Variants in MLIP observed in about 807,000 individuals in gnomAD.
The protein encoded by MLIP is muscular LMNA-interacting protein.
A neutral mutation model predicts 84.8 loss-of-function variants in MLIP; 79 were observed. The observed-to-expected ratio is 0.93, with a 90% CI of 0.78 to 1.12. The LOEUF (loss-of-function observed/expected upper bound fraction) is 1.12, where lower values mean the gene tolerates loss of function less well. Among genes scored for constraint, MLIP ranks in the 50% most tolerant of loss-of-function variants. MLIP has a pLI of 0.00. For synonymous variants in MLIP, 504 were observed against 463.0 expected (o/e 1.09, Z -1.14); for missense variants, 1,257 against 1,160.6 (o/e 1.08, Z -1.21).
At chr6:54,139,035 C>A (rs1304737224) in intron 4 of MLIP, among the ~76,000 whole-genome samples, 1 of 152,124 alleles carries the variant, frequency 6.6e-6, no homozygotes, top group African/African-American at 2.4e-5. Context: ...GATAAAGTGA[C>A]CCTCATTATC....
intron 1 of MLIP, chr6:54,047,018 G>A (rs1765099248): frequency 6.6e-6 from 1 of 152,172 alleles, no homozygotes; most frequent in African/African-American, 2.4e-5. Context: ...CTGCACTTGA[G>A]ATTAGCTGCA....
chr6:54,078,716 G>A (rs1449710320), intron 1 of MLIP, among the ~76,000 whole-genome samples: 1 of 129,908 alleles, frequency 7.7e-6, no homozygotes, highest in African/African-American at 2.9e-5. Context: ...TTGAGATGGA[G>A]TCTCGGCTCT....
At chr6:54,252,477 ATATAT>A (rs898754242) in intron 12 of MLIP, among the ~76,000 whole-genome samples, 5 of 139,422 alleles carry the variant, frequency 3.6e-5, no homozygotes, top group African/African-American at 8.0e-5. Context: ...TATAAATATA[ATATAT>A]TATAACATAA....
intron 1 of MLIP, among the ~76,000 whole-genome samples, chr6:54,020,197 C>T (rs888476372): frequency 6.6e-6 from 1 of 152,140 alleles, no homozygotes; most frequent in African/African-American, 2.4e-5. Flanking sequence ...TTTGTTTAAT[C>T]TTTCTGAGTC....
At position 54,069,827 on chromosome 6, in the gene MLIP, G is replaced by A. The variant is rs1384763858; in HGVS notation, c.63+50736G>A. On this transcript the variant is annotated intron_variant, in intron 1 of 12. Transcript: ENST00000274897. ...CTCAAATCAACTGTATTTTTAATTT[G>A]AGCATAATAGACTGAACCACAAGAC... Among the ~76,000 whole-genome samples, 2 of 99,226 alleles carry A rather than the reference G, an allele frequency of 2.0e-5. 1 individual carries two copies. The highest frequency in any genetic ancestry group is 5.8e-5 in the Non-Finnish European group (2 of 34,498). 65.1% of individuals were successfully genotyped at this position (99,226 alleles called of 152,430 possible). A position where few individuals can be genotyped will look rare whatever the true frequency, so the allele number is the denominator to read the frequency against.
At chr6:54,240,238 A>G (rs1251046285) in intron 12 of MLIP, among the ~76,000 whole-genome samples, 2 of 152,210 alleles carry the variant, frequency 1.3e-5, no homozygotes, top group African/African-American at 2.4e-5. Context: ...AGCTTTATAC[A>G]TTTTTTAGCA....
At chr6:54,172,680 G>T in intron 9 of MLIP, among the ~76,000 whole-genome samples, 1 of 150,510 alleles carries the variant, frequency 6.6e-6, no homozygotes, top group African/African-American at 2.4e-5. Context: ...CACTTTATAG[G>T]CCTTTGTTGA....
intron 9 of MLIP, among the ~76,000 whole-genome samples, chr6:54,173,943 A>G (rs575491591): frequency 1.2e-4 from 18 of 151,494 alleles, no homozygotes; most frequent in Admixed American, 5.9e-4. Context: ...CATGAGTTCA[A>G]TTGTTTTGAT....
intron 13 of MLIP, chr6:54,261,592 G>A (rs1783397056): frequency 1.0e-6 from 1 of 985,122 alleles, no homozygotes; most frequent in Non-Finnish European, 1.2e-6. Context: ...TGCCACTTTG[G>A]TGGTATATAA....
chr6:54,230,254 C>A (rs1780893676), intron 11 of MLIP, among the ~76,000 whole-genome samples: 1 of 152,148 alleles, frequency 6.6e-6, no homozygotes, highest in Non-Finnish European at 1.5e-5. Context: ...ACTTCTGCCC[C>A]TCCACTCACT....
chr6:54,246,256 G>A (rs1321469050), intron 12 of MLIP, among the ~76,000 whole-genome samples: 2 of 152,044 alleles, frequency 1.3e-5, no homozygotes, highest in Admixed American at 1.3e-4. Flanking sequence ...GTAAGACCAC[G>A]ACTTGCTTTC....
At chr6:54,039,187 T>C (rs1189505516) in intron 1 of MLIP, among the ~76,000 whole-genome samples, 8 of 152,016 alleles carry the variant, frequency 5.3e-5, no homozygotes, top group African/African-American at 1.9e-4. Flanking sequence ...TGTCATGTTT[T>C]ATAAAAAGTT....
rs114946767 is a variant in MLIP, at chr6:54,244,439, G to A, written c.2923-12869G>A. Among the ~76,000 whole-genome samples the A allele has an allele frequency of 2.1e-3, 317 of 152,190 alleles. 2 individuals are homozygous for A. Among genetic ancestry groups the A allele is most frequent in the African/African-American group, 7.3e-3 (303 of 41,534 alleles). On this transcript the variant is annotated intron_variant, in intron 12 of 13. Transcript: ENST00000502396. ...GACGATGCCAAATTGTTTTCAAAACGAATGAATGTGTTTAATTCATTCACA... is the reference window on the plus strand; with the variant it reads ...GACGATGCCAAATTGTTTTCAAAACAAATGAATGTGTTTAATTCATTCACA...
At chr6:54,159,063 C>G (rs1450098639) in intron 5 of MLIP, among the ~76,000 whole-genome samples, 1 of 151,906 alleles carries the variant, frequency 6.6e-6, no homozygotes, top group Non-Finnish European at 1.5e-5. Flanking sequence ...AGGTGTATGC[C>G]AACACATTCA....
Position 54,266,087 on chromosome 6 carries a change from C to CA in MLIP, c.*132_*133insA. Reference sequence around the variant, plus strand: ...CTTTATGAGCTGCAGTGCAGCAGAACCAAAAAAAAAGTTTGCTGCAATTAT... The same window carrying CA: ...CTTTATGAGCTGCAGTGCAGCAGAACACAAAAAAAAAGTTTGCTGCAATTAT... On this transcript the variant is annotated 3_prime_UTR_variant, in exon 14 of 14. Transcript: ENST00000502396. The CA allele has an allele frequency of 1.1e-6, 1 of 873,378 alleles. No individual in the cohort carries two copies. Among genetic ancestry groups the CA allele is most frequent in the Non-Finnish European group, 1.8e-6 (1 of 556,354 alleles). The allele number at this position is 873,378 out of a possible 1,614,324, so 54.1% of individuals were successfully genotyped here. A position where few individuals can be genotyped will look rare whatever the true frequency, so the allele number is the denominator to read the frequency against.
chr6:54,247,240 A>T (rs541554534), intron 12 of MLIP, among the ~76,000 whole-genome samples: 1 of 152,160 alleles, frequency 6.6e-6, no homozygotes, highest in Admixed American at 6.6e-5. Flanking sequence ...TCACTCTGGG[A>T]TGGCTGAAAC....
At chr6:54,214,086 A>G (rs1779684279) in intron 11 of MLIP, among the ~76,000 whole-genome samples, 2 of 152,180 alleles carry the variant, frequency 1.3e-5, no homozygotes, top group Admixed American at 6.5e-5. Context: ...AGCAACTTAT[A>G]CTTATTTGCT....
chr6:54,239,179 A>G (rs375749925), intron 12 of MLIP, among the ~76,000 whole-genome samples: 50 of 151,418 alleles, frequency 3.3e-4, no homozygotes, highest in Middle Eastern at 3.4e-3. Context: ...TTCATCTCCT[A>G]CCTCTCCATT....
chr6:54,081,446 C>G (rs866545837), intron 1 of MLIP, among the ~76,000 whole-genome samples: 1 of 151,924 alleles, frequency 6.6e-6, no homozygotes, highest in South Asian at 2.1e-4. Flanking sequence ...TCGTTTATGT[C>G]GCCCAGGCTG....
Sources: gnomAD v4.1 joint callset for allele counts (sites outside exome capture counted in the v4.1 genomes callset) on GRCh38, gnomAD v4.1.1 for gene constraint, MANE v1.5 for transcripts, NCBI Gene and HGNC (gene_info 2026-07-23, HGNC 2026-07-21) for gene names.